Variants in EOGT observed in about 807,000 individuals in gnomAD.
The protein encoded by EOGT is EGF domain-specific O-linked N-acetylglucosamine transferase.
EOGT carries 55 observed loss-of-function variants against 70.5 expected under a neutral mutation model. The observed-to-expected ratio is 0.78, with a 90% CI of 0.63 to 0.98. The LOEUF is 0.98. EOGT is among the 50% of genes least tolerant of loss of function. The pLI, the probability that EOGT is intolerant of heterozygous loss-of-function variation, is 0.00. For missense variants in EOGT, 703 were observed against 641.9 expected (o/e 1.10, Z -1.03); for synonymous variants, 246 against 217.1 (o/e 1.13, Z -1.17).
rs2091492748 is a variant in EOGT at position 69,008,470 on chromosome 3, A to T, written c.269T>A (p.Phe90Tyr). 2.5e-6 allele frequency: 4 copies of T among 1,614,036 alleles called. No homozygotes were observed. The highest frequency in any genetic ancestry group is 3.4e-6 in the Non-Finnish European group (4 of 1,180,030). The change falls in exon 5 of 18, where the codon TTC becomes TAC. Residue 90 changes from phenylalanine (F) to tyrosine (Y), a missense_variant. Physicochemically the swap from Phe to Tyr is conservative, Grantham distance 22 (BLOSUM62 3). Transcript: ENST00000383701. ...WGYEKSCKPE[F>Y]RFGYPVCSYV... ...GCTGCAAACTGGGTAACCAAACCTG[A>T]ACTCTGGTTTGCAGGATTTCTCATA...
chr3:68,978,253 TA>T (rs1334844146), intron 17 of EOGT, 79 bp downstream of exon 17: 1 of 1,016,968 alleles, frequency 9.8e-7, no homozygotes, highest in Non-Finnish European at 1.5e-6. Flanking sequence ...TGAAGTTCAA[TA>T]ACCATTTTTC....
intron 10 of EOGT, among the ~76,000 whole-genome samples, chr3:68,991,282 A>G (rs2090986770): frequency 6.6e-6 from 1 of 152,220 alleles, no homozygotes; most frequent in Admixed American, 6.5e-5. Context: ...AGATGACATA[A>G]AATTTCCTTT....
intron 9 of EOGT, among the ~76,000 whole-genome samples, chr3:68,998,936 A>C (rs1379871353): frequency 6.6e-6 from 1 of 151,840 alleles, no homozygotes; most frequent in East Asian, 1.9e-4. Flanking sequence ...GGTAATTTTC[A>C]TTCCTGTCTC....
At chr3:68,990,498 G>A (rs1040071230) in intron 10 of EOGT, among the ~76,000 whole-genome samples, 8 of 151,846 alleles carry the variant, frequency 5.3e-5, no homozygotes, top group East Asian at 1.9e-4. Context: ...GATTACAGGC[G>A]CACGCCACCA....
chr3:68,984,788 T>C (rs995220917), intron 14 of EOGT, among the ~76,000 whole-genome samples: 5 of 152,128 alleles, frequency 3.3e-5, no homozygotes, highest in Admixed American at 6.5e-5. Flanking sequence ...GCACTATACC[T>C]TTCTACTGGA....
At chr3:68,997,902 G>T in intron 10 of EOGT, 109 bp downstream of exon 10, 1 of 677,652 alleles carries the variant, frequency 1.5e-6, no homozygotes, top group Non-Finnish European at 2.6e-6. Context: ...ATGTGCGGCT[G>T]TACATGTTGA....
At position 68,988,569 on chromosome 3, in the gene EOGT, A is replaced by G. The variant is rs946699227; in HGVS notation, c.933T>C (p.Phe311=). The change falls in exon 12 of 18, where the codon TTT becomes TTC. Residue 311 remains phenylalanine, a synonymous_variant. Coordinates refer to ENST00000383701, the MANE Select transcript of EOGT (RefSeq NM_001278689.2). ...GGAGTAATGAAAAAACAGCTTCTTT[A>G]AAACATACCTAAGAACAAAGATACA... ...LKTYDSKRVC[F]KEAVFSLLPR... is the part of the protein sequence containing the mutation. 2 of 1,528,010 alleles carry G rather than the reference A, an allele frequency of 1.3e-6. No homozygotes were observed. Among genetic ancestry groups the G allele is most frequent in the African/African-American group, 1.4e-5 (1 of 72,634 alleles). The allele number at this position is 1,528,010 out of a possible 1,614,324, so 94.7% of individuals were successfully genotyped here. A position where few individuals can be genotyped will look rare whatever the true frequency, so the allele number is the denominator to read the frequency against.
rs1021397936 is a variant in EOGT at position 68,975,707 on chromosome 3, T to C, written c.*1911A>G. ...AATCCATAACATGTTGTAATTCTTC[T>C]TATGTGATTTTAAGGTCTGAATCAA... On this transcript the variant is annotated 3_prime_UTR_variant, in exon 18 of 18. Transcript: ENST00000383701. The C allele has an allele frequency of 8.5e-5, 13 of 152,228 alleles. No homozygotes were observed. The highest frequency in any genetic ancestry group is 7.2e-4 in the Admixed American group (11 of 15,272). 9.4% of individuals were successfully genotyped at this position (152,228 alleles called of 1,614,324 possible). A position where few individuals can be genotyped will look rare whatever the true frequency, so the allele number is the denominator to read the frequency against.
Position 68,989,252 on chromosome 3 carries a change from TC to T in EOGT, c.832-236del, listed in dbSNP as rs1453914896. ...TATACTCTTAGCCATTAATAGTGTT[TC>T]ATTTTTCTACCTTAACTTCTTTTAT... On this transcript the variant is annotated intron_variant, in intron 10 of 17. Transcript: ENST00000383701. Among the ~76,000 whole-genome samples, 4 of 152,326 alleles carry T rather than the reference TC, an allele frequency of 2.6e-5. No homozygotes were observed. The East Asian group carries it at 7.7e-4, about 29-fold the overall frequency.
At chr3:68,994,481 A>G (rs2091089059) in intron 10 of EOGT, among the ~76,000 whole-genome samples, 1 of 152,180 alleles carries the variant, frequency 6.6e-6, no homozygotes, top group Non-Finnish European at 1.5e-5. Context: ...ATAATCAGGT[A>G]TTACTTTCAT....
intron 9 of EOGT, 140 bp from the exon 10 acceptor site, chr3:68,998,254 C>G: frequency 1.7e-6 from 1 of 597,062 alleles, no homozygotes; most frequent in Non-Finnish European, 2.9e-6. Flanking sequence ...TTTGTTTTTC[C>G]AAACATGAAA....
chr3:69,009,647 C>G lies in EOGT; in HGVS notation c.200G>C (p.Cys67Ser). 6.2e-7 allele frequency: 1 copy of G among 1,612,494 alleles called. No individual in the cohort carries two copies. Among genetic ancestry groups the G allele is most frequent in the Non-Finnish European group, 8.5e-7 (1 of 1,178,700 alleles). Reference sequence around the variant, plus strand: ...AGAAATAATACCTACCTTATATGGACAAAGAGAGTCTTTCCTACAGACAGT... The same window carrying G: ...AGAAATAATACCTACCTTATATGGAGAAAGAGAGTCTTTCCTACAGACAGT... Reference protein sequence around the residue: ...IATVCRKDSLCPYKKHLEKLK... With the variant: ...IATVCRKDSLSPYKKHLEKLK... Residue 67 changes from cysteine (C) to serine (S), a missense_variant, in exon 4 of 18, where the codon TGT becomes TCT. By Grantham distance (112) the Cys-to-Ser change is moderately radical (BLOSUM62 -1). Transcript: ENST00000383701.
intron 11 of EOGT, 97 bp from the exon 12 acceptor site, chr3:68,988,674 A>G: frequency 1.3e-6 from 1 of 743,994 alleles, no homozygotes; most frequent in Non-Finnish European, 2.1e-6. Context: ...ATTAATCTCC[A>G]TTTTGCATTG....
At chr3:68,996,026 A>T (rs529003032) in intron 10 of EOGT, among the ~76,000 whole-genome samples, 1 of 152,222 alleles carries the variant, frequency 6.6e-6, no homozygotes. Flanking sequence ...ACCCTGAGTT[A>T]ATAATTTAGG....
intron 10 of EOGT, among the ~76,000 whole-genome samples, chr3:68,994,488 T>C (rs1174425918): frequency 6.6e-6 from 1 of 152,178 alleles, no homozygotes; most frequent in African/African-American, 2.4e-5. Flanking sequence ...GGTATTACTT[T>C]CATAATTAAA....
chr3:68,999,740 G>C (rs1173667480), intron 9 of EOGT, among the ~76,000 whole-genome samples: 1 of 152,184 alleles, frequency 6.6e-6, no homozygotes, highest in African/African-American at 2.4e-5. Flanking sequence ...GCACACATGA[G>C]CTCTTTCACG....
intron 8 of EOGT, among the ~76,000 whole-genome samples, chr3:69,003,034 G>A (rs148843162): frequency 6.6e-6 from 1 of 152,228 alleles, no homozygotes; most frequent in Admixed American, 6.5e-5. Flanking sequence ...TACAGGAGTA[G>A]CAGGAGAGTT....
chr3:69,002,978 C>T (rs893638118), intron 8 of EOGT, among the ~76,000 whole-genome samples: 2 of 152,116 alleles, frequency 1.3e-5, no homozygotes, highest in African/African-American at 4.8e-5. Flanking sequence ...TTGGTATGGA[C>T]ATTTGACCTT....
chr3:69,005,015 T>A, intron 7 of EOGT, 125 bp downstream of exon 7: 1 of 607,738 alleles, frequency 1.6e-6, no homozygotes, highest in Admixed American at 3.1e-5. Flanking sequence ...TGAGCCATGA[T>A]TACACCGCTG....
Sources: allele counts gnomAD v4.1 joint callset (sites outside exome capture counted in the v4.1 genomes callset), GRCh38; gene constraint gnomAD v4.1.1; transcripts MANE v1.5; gene names NCBI Gene and HGNC (gene_info 2026-07-23, HGNC 2026-07-21).